Variants in LMCD1 observed in about 807,000 individuals in gnomAD.
LMCD1 encodes LIM and cysteine rich domains 1.
A neutral mutation model predicts 42.7 loss-of-function variants in LMCD1; 32 were observed. That is an observed-to-expected ratio of 0.75 (90% CI 0.57 to 1.01). LMCD1 has a LOEUF of 1.01. Ranked by LOEUF, LMCD1 falls within the 50% of genes least tolerant of loss-of-function variation. LMCD1 has a pLI of 0.00. For synonymous variants in LMCD1, 178 were observed against 184.9 expected, an observed-to-expected ratio of 0.96 and a Z score of 0.30; for missense variants, 458 against 483.1, an observed-to-expected ratio of 0.95 and a Z score of 0.49.
intron 4 of LMCD1, among the ~76,000 whole-genome samples, chr3:8,561,373 A>G (rs532371610): frequency 6.4e-4 from 91 of 141,394 alleles, no homozygotes; most frequent in African/African-American, 2.6e-3. Flanking sequence ...ATAATAATTG[A>G]GCACAGAGTT....
chr3:8,526,957 A>G (rs1158516582), intron 1 of LMCD1, among the ~76,000 whole-genome samples: 2 of 152,228 alleles, frequency 1.3e-5, no homozygotes, highest in Non-Finnish European at 2.9e-5. Context: ...TAGTTCTGCA[A>G]GAGGCTCAGG....
chr3:8,574,659 A>G lies in LMCD1; in HGVS notation c.*7061A>G, dbSNP rs1159579394. 2.0e-5 allele frequency: 3 copies of G among 152,160 alleles called. No homozygotes were observed. Among genetic ancestry groups the G allele is most frequent in the Admixed American group, 6.5e-5 (1 of 15,278 alleles). The allele number at this position is 152,160 out of a possible 1,614,324, so 9.4% of individuals were successfully genotyped here. A position where few individuals can be genotyped will look rare whatever the true frequency, so the allele number is the denominator to read the frequency against. On this transcript the variant is annotated 3_prime_UTR_variant, in exon 6 of 6. Coordinates refer to ENST00000157600, the MANE Select transcript of LMCD1 (RefSeq NM_014583.4). ...TTTTTAAAGGCCTAAATAAAATGAT[A>G]TTCCCTGAAGGAAATGTCCAGAGGG...
chr3:8,508,683 A>G (rs1050086130), intron 1 of LMCD1, among the ~76,000 whole-genome samples: 5 of 152,216 alleles, frequency 3.3e-5, no homozygotes, highest in African/African-American at 1.2e-4. Context: ...TGAACTTTAC[A>G]TAAGAAATGG....
At chr3:8,565,332 G>A in intron 4 of LMCD1, 100 bp from the exon 5 acceptor site, 2 of 1,033,872 alleles carry the variant, frequency 1.9e-6, no homozygotes, top group Non-Finnish European at 1.5e-6. Context: ...ACTTGCCCAA[G>A]GTCACCCAGG....
At chr3:8,520,321 G>T (rs947867999) in intron 1 of LMCD1, among the ~76,000 whole-genome samples, 3 of 152,128 alleles carry the variant, frequency 2.0e-5, no homozygotes, top group Non-Finnish European at 4.4e-5. Flanking sequence ...AACTAGGGAG[G>T]TATAATAAGT....
chr3:8,528,361 TG>T (rs1307100316), intron 1 of LMCD1, among the ~76,000 whole-genome samples: 2 of 148,602 alleles, frequency 1.3e-5, no homozygotes, highest in Non-Finnish European at 3.0e-5. Flanking sequence ...AGTTTTTTTT[TG>T]TTGTTGTTTT....
chr3:8,551,231 A>G lies in LMCD1; in HGVS notation c.723+2328A>G, dbSNP rs149327390. On this transcript the variant is annotated intron_variant, in intron 4 of 5. Coordinates refer to ENST00000157600, the MANE Select transcript of LMCD1 (RefSeq NM_014583.4). Reference sequence around the variant, plus strand: ...AGGTCTTGTTCATCTCTTTATTTGCATTGATATACATAGCCATTGCTCAAT... The same window carrying G: ...AGGTCTTGTTCATCTCTTTATTTGCGTTGATATACATAGCCATTGCTCAAT... 2.2e-4 allele frequency: 213 copies of G among 984,522 alleles called. 1 individual carries two copies. In the African/African-American group the frequency reaches 3.6e-3, roughly 16 times the overall value. The allele number at this position is 984,522 out of a possible 1,614,324, so 61.0% of individuals were successfully genotyped here. A position where few individuals can be genotyped will look rare whatever the true frequency, so the allele number is the denominator to read the frequency against.
At position 8,567,810 on chromosome 3, in the gene LMCD1, A is replaced by G. The variant is rs1574979364; in HGVS notation, c.*212A>G. On this transcript the variant is annotated 3_prime_UTR_variant, in exon 6 of 6. Transcript: ENST00000157600. The stretch of plus-strand genomic sequence containing the variant: ...TTGAGGGTCAGTAGTTTCAAAACCA[A>G]AAATATTCTAAGAAGTCTTAGGATG... The G allele has an allele frequency of 8.2e-6, 3 of 364,958 alleles. No individual in the cohort carries two copies. The East Asian group carries it at 1.3e-4, about 16-fold the overall frequency. 22.6% of individuals were successfully genotyped at this position (364,958 alleles called of 1,614,324 possible). A position where few individuals can be genotyped will look rare whatever the true frequency, so the allele number is the denominator to read the frequency against.
chr3:8,539,802 T>C (rs1694585161), intron 3 of LMCD1, among the ~76,000 whole-genome samples: 1 of 134,720 alleles, frequency 7.4e-6, no homozygotes, highest in African/African-American at 3.1e-5. Flanking sequence ...ATTTTTATTA[T>C]TATTATTATT....
intron 3 of LMCD1, among the ~76,000 whole-genome samples, chr3:8,546,454 G>A (rs886719230): frequency 2.0e-5 from 3 of 152,246 alleles, no homozygotes; most frequent in South Asian, 2.1e-4. Context: ...TAGGGTTTAC[G>A]ATCCTCCTTT....
chr3:8,502,720 A>C (rs1693787241), intron 1 of LMCD1, among the ~76,000 whole-genome samples: 1 of 151,818 alleles, frequency 6.6e-6, no homozygotes, highest in Non-Finnish European at 1.5e-5. Flanking sequence ...GCTGGCCCGG[A>C]GCCCAGAAGG....
chr3:8,557,082 G>A (rs1694942669), intron 4 of LMCD1, among the ~76,000 whole-genome samples: 1 of 152,176 alleles, frequency 6.6e-6, no homozygotes, highest in Non-Finnish European at 1.5e-5. Context: ...ATGAAGCCAT[G>A]GCATGAACCA....
At chr3:8,554,766 G>A (rs151148215) in intron 4 of LMCD1, among the ~76,000 whole-genome samples, 11 of 152,324 alleles carry the variant, frequency 7.2e-5, no homozygotes, top group South Asian at 2.1e-4. Context: ...TGCGTTTAGA[G>A]AGCTCGCTGA....
chr3:8,556,422 G>A (rs956092363), intron 4 of LMCD1, among the ~76,000 whole-genome samples: 1 of 151,808 alleles, frequency 6.6e-6, no homozygotes, highest in Non-Finnish European at 1.5e-5. Flanking sequence ...GTGTATGTGT[G>A]TGTGTGTTGG....
rs1199199702 is a variant in LMCD1, at chr3:8,567,076, C to T, written c.940-364C>T. ...GCCCAAGTGACCCTCTGTATTCTTG[C>T]TCTTGATGATTGGCCATTGGCAGTT... is the stretch of plus-strand genomic sequence containing the variant. On this transcript the variant is annotated intron_variant, in intron 5 of 5. Transcript: ENST00000157600. 2.0e-5 allele frequency among the ~76,000 whole-genome samples: 3 copies of T among 152,190 alleles called. No individual in the cohort carries two copies. In the East Asian group the frequency reaches 5.8e-4, roughly 29 times the overall value.
At chr3:8,551,849 T>A (rs1694845583) in intron 4 of LMCD1, among the ~76,000 whole-genome samples, 1 of 152,172 alleles carries the variant, frequency 6.6e-6, no homozygotes, top group Non-Finnish European at 1.5e-5. Context: ...AAGGGCAGCA[T>A]AGAACAATTA....
rs944393384 is a variant in LMCD1 at position 8,501,826 on chromosome 3, C to G, written c.-113C>G. The G allele has an allele frequency of 2.2e-6, 2 of 890,074 alleles. No individual in the cohort carries two copies. Among genetic ancestry groups the G allele is most frequent in the African/African-American group, 1.8e-5 (1 of 56,798 alleles). 55.1% of individuals were successfully genotyped at this position (890,074 alleles called of 1,614,324 possible). On this transcript the variant is annotated 5_prime_UTR_variant, in exon 1 of 6. Coordinates refer to ENST00000157600, the MANE Select transcript of LMCD1 (RefSeq NM_014583.4). ...CGGCCCAGCTGCGCCTGGCTGCGCACAGAGCTCCCTCCCAGGCCCGCGAAC... is the reference window on the plus strand; with the variant it reads ...CGGCCCAGCTGCGCCTGGCTGCGCAGAGAGCTCCCTCCCAGGCCCGCGAAC...
intron 4 of LMCD1, among the ~76,000 whole-genome samples, chr3:8,555,143 A>G (rs1254204580): frequency 6.6e-6 from 1 of 151,934 alleles, no homozygotes; most frequent in African/African-American, 2.4e-5. Flanking sequence ...CCATTTCCCC[A>G]CAAGAATGCT....
At chr3:8,522,125 C>G (rs554540334) in intron 1 of LMCD1, among the ~76,000 whole-genome samples, 1 of 152,300 alleles carries the variant, frequency 6.6e-6, no homozygotes, top group East Asian at 1.9e-4. Context: ...AGGTCTTAAA[C>G]AGAGAAAGCT....
Sources: gnomAD v4.1 joint callset for allele counts (sites outside exome capture counted in the v4.1 genomes callset) on GRCh38, gnomAD v4.1.1 for gene constraint, MANE v1.5 for transcripts, NCBI Gene and HGNC (gene_info 2026-07-23, HGNC 2026-07-21) for gene names.